The following LRP1B variants were observed in gnomAD, a reference collection of about 807,000 sequenced individuals.
LRP1B encodes LDL receptor related protein 1B.
In LRP1B, 217 loss-of-function variants were observed where a neutral mutation model predicts 556.6. That is an observed-to-expected ratio of 0.39 (90% confidence interval 0.35 to 0.44). The LOEUF (loss-of-function observed/expected upper bound fraction) is 0.44. Among genes scored for constraint, LRP1B ranks in the 20% least tolerant of loss-of-function variants. The pLI is 1.00. For missense variants in LRP1B, 5,053 were observed against 5,620.8 expected, an observed-to-expected ratio of 0.90 and a Z score of 3.23; for synonymous variants, 2,047 against 1,865.8, an observed-to-expected ratio of 1.10 and a Z score of -2.50.
At chr2:140,351,634 T>C (rs1312116150) in intron 76 of LRP1B, among the ~76,000 whole-genome samples, 2 of 152,064 alleles carry the variant, frequency 1.3e-5, no homozygotes, top group Non-Finnish European at 2.9e-5. Context: ...ACACCTACAA[T>C]AGAGTACTAA....
At chr2:140,608,965 G>A (rs1015672482) in intron 41 of LRP1B, among the ~76,000 whole-genome samples, 1 of 152,014 alleles carries the variant, frequency 6.6e-6, no homozygotes, top group African/African-American at 2.4e-5. Context: ...CTCAAGAATT[G>A]CCTCTATTTC....
intron 83 of LRP1B, among the ~76,000 whole-genome samples, chr2:140,314,321 A>C (rs895577046): frequency 5.9e-5 from 9 of 152,050 alleles, no homozygotes; most frequent in Non-Finnish European, 1.3e-4. Flanking sequence ...AATACAAGTC[A>C]GTAGAAGAAT....
chr2:140,914,357 C>G (rs1021780178), intron 21 of LRP1B, among the ~76,000 whole-genome samples: 1 of 152,150 alleles, frequency 6.6e-6, no homozygotes, highest in Non-Finnish European at 1.5e-5. Context: ...AAAATGATTT[C>G]AAGTTAGAAG....
intron 3 of LRP1B, among the ~76,000 whole-genome samples, chr2:141,462,608 T>C (rs538349249): frequency 3.2e-4 from 49 of 152,212 alleles, no homozygotes; most frequent in African/African-American, 1.1e-3. Flanking sequence ...CATGTATACC[T>C]ATGTAATAAA....
chr2:142,089,003 G>GA (rs1300829374), intron 1 of LRP1B, among the ~76,000 whole-genome samples: 1 of 124,828 alleles, frequency 8.0e-6, no homozygotes, highest in Non-Finnish European at 1.7e-5. Flanking sequence ...AAAAGAAAAA[G>GA]AAAAAGTTAC....
intron 83 of LRP1B, among the ~76,000 whole-genome samples, chr2:140,309,677 A>C (rs1373439394): frequency 1.3e-5 from 2 of 151,814 alleles, no homozygotes. Flanking sequence ...AATAGTTTCT[A>C]ATATAATTAT....
chr2:140,569,307 A>G (rs1681238160), intron 43 of LRP1B, among the ~76,000 whole-genome samples: 1 of 152,008 alleles, frequency 6.6e-6, no homozygotes, highest in African/African-American at 2.4e-5. Flanking sequence ...GCAGTATGCT[A>G]CTTAAAAAGG....
chr2:141,288,376 A>AT (rs531759252), intron 3 of LRP1B, among the ~76,000 whole-genome samples: 56 of 152,192 alleles, frequency 3.7e-4, no homozygotes, highest in Middle Eastern at 3.4e-3. Flanking sequence ...AAATAGAGCC[A>AT]TTTTTTTCCT....
chr2:140,251,352 A>T (rs1368052487), intron 86 of LRP1B, among the ~76,000 whole-genome samples: 1 of 151,872 alleles, frequency 6.6e-6, no homozygotes, highest in African/African-American at 2.4e-5. Flanking sequence ...AGATATAAAA[A>T]ACTGAAGGTA....
At chr2:140,322,275 A>G (rs1217255114) in intron 81 of LRP1B, among the ~76,000 whole-genome samples, 187 bp from the exon 82 acceptor site, 1 of 152,086 alleles carries the variant, frequency 6.6e-6, no homozygotes, top group Non-Finnish European at 1.5e-5. Flanking sequence ...AAATTACCCA[A>G]TGCTCATCAT....
At chr2:140,712,483 A>G (rs1687066824) in intron 37 of LRP1B, among the ~76,000 whole-genome samples, 1 of 151,774 alleles carries the variant, frequency 6.6e-6, no homozygotes, top group African/African-American at 2.4e-5. Flanking sequence ...TCCCTTGTCA[A>G]GGCTCCTCCT....
intron 76 of LRP1B, 118 bp downstream of exon 76, chr2:140,352,835 A>T: frequency 1.0e-6 from 1 of 1,004,466 alleles, no homozygotes; most frequent in South Asian, 1.6e-5. Flanking sequence ...ATTAATCATC[A>T]TTAAAAGTAT....
intron 2 of LRP1B, among the ~76,000 whole-genome samples, chr2:141,732,375 G>A (rs1289598554): frequency 6.6e-6 from 1 of 151,892 alleles, no homozygotes; most frequent in East Asian, 1.9e-4. Flanking sequence ...TTTTAAATGT[G>A]GGAGAGACAT....
Position 141,688,176 on chromosome 2 carries a change from G to A in LRP1B, c.205+122103C>T, listed in dbSNP as rs531825499. Among the ~76,000 whole-genome samples, 205 of 151,408 alleles carry A rather than the reference G, an allele frequency of 1.4e-3. 1 individual carries two copies. Among genetic ancestry groups the A allele is most frequent in the African/African-American group, 4.5e-3 (187 of 41,368 alleles). ...CCTGTCAATTTTCTTTCTGTCACACGTTTTAGTTCAAATTTGTACATATAA... is the reference window on the plus strand; with the variant it reads ...CCTGTCAATTTTCTTTCTGTCACACATTTTAGTTCAAATTTGTACATATAA... On this transcript the variant is annotated intron_variant, in intron 2 of 90. Coordinates refer to ENST00000389484, the MANE Select transcript of LRP1B (RefSeq NM_018557.3).
chr2:140,619,015 C>A (rs1021578857), intron 41 of LRP1B, among the ~76,000 whole-genome samples: 2 of 151,662 alleles, frequency 1.3e-5, no homozygotes, highest in Non-Finnish European at 2.9e-5. Context: ...GGATTGTTTT[C>A]GTAACGTGAC....
chr2:141,281,514 T>C (rs1261109107), intron 3 of LRP1B, among the ~76,000 whole-genome samples: 1 of 152,062 alleles, frequency 6.6e-6, no homozygotes, highest in African/African-American at 2.4e-5. Context: ...CTTGAACACA[T>C]ATGCTTAATG....
chr2:141,687,087 T>G (rs1691338993), intron 2 of LRP1B, among the ~76,000 whole-genome samples: 1 of 152,012 alleles, frequency 6.6e-6, no homozygotes, highest in South Asian at 2.1e-4. Flanking sequence ...GAAGTGTAAT[T>G]CTAAAAGTAT....
At chr2:140,590,718 C>A (rs1322896659) in intron 43 of LRP1B, among the ~76,000 whole-genome samples, 1 of 152,114 alleles carries the variant, frequency 6.6e-6, no homozygotes, top group Non-Finnish European at 1.5e-5. Flanking sequence ...AGAATTCCAG[C>A]CTCTAGAACT....
chr2:140,918,139 A>T (rs377358220), intron 21 of LRP1B, among the ~76,000 whole-genome samples: 3 of 151,782 alleles, frequency 2.0e-5, no homozygotes, highest in Non-Finnish European at 2.9e-5. Flanking sequence ...GTATGATCCT[A>T]GTTTCCAAAT....
Sources: allele counts gnomAD v4.1 joint callset (sites outside exome capture counted in the v4.1 genomes callset), GRCh38; gene constraint gnomAD v4.1.1; transcripts MANE v1.5; gene names NCBI Gene and HGNC (gene_info 2026-07-23, HGNC 2026-07-21).